Variants in TRPC6 observed in about 807,000 individuals in gnomAD.
TRPC6 encodes short transient receptor potential channel 6.
In TRPC6, 55 loss-of-function variants were observed where a neutral mutation model predicts 90.7. The ratio of observed to expected loss-of-function variants is 0.61; its 90% CI spans 0.49 to 0.76. The LOEUF is 0.76. Ranked by LOEUF, TRPC6 falls within the 30% of genes least tolerant of loss-of-function variation. TRPC6 has a pLI of 0.00. For synonymous variants in TRPC6, 393 were observed against 393.0 expected (o/e 1.00, Z 0.00); for missense variants, 989 against 1,122.7 (o/e 0.88, Z 1.70).
At chr11:101,523,445 T>C (rs1438660719) in intron 1 of TRPC6, among the ~76,000 whole-genome samples, 1 of 152,240 alleles carries the variant, frequency 6.6e-6, no homozygotes, top group Non-Finnish European at 1.5e-5. Flanking sequence ...CTAAGATATA[T>C]GAGAAAATGG....
intron 2 of TRPC6, among the ~76,000 whole-genome samples, chr11:101,501,302 T>C (rs1183153340): frequency 2.6e-5 from 4 of 152,094 alleles, no homozygotes; most frequent in African/African-American, 7.2e-5. Context: ...TGCTAGCATG[T>C]TGGTAGTGTA....
At chr11:101,462,459 ATTTG>A (rs139664165) in intron 10 of TRPC6, among the ~76,000 whole-genome samples, 4,030 of 152,268 alleles carry the variant, frequency 0.026, 89 homozygotes, top group Middle Eastern at 0.044. Context: ...ACGATTTTCC[ATTTG>A]TTTAAGTCGT....
intron 10 of TRPC6, among the ~76,000 whole-genome samples, chr11:101,461,351 G>A (rs910979466): frequency 2.6e-5 from 4 of 152,144 alleles, no homozygotes; most frequent in African/African-American, 9.7e-5. Context: ...GATCACTTGA[G>A]TCCAGGAGTT....
intron 10 of TRPC6, 28 bp downstream of exon 10, chr11:101,469,399 G>A: frequency 1.3e-6 from 1 of 755,958 alleles, no homozygotes; most frequent in Non-Finnish European, 2.5e-6. Context: ...TCATGTGCAT[G>A]ACTTCATATT....
At chr11:101,558,774 A>T (rs1348449873) in intron 1 of TRPC6, among the ~76,000 whole-genome samples, 1 of 152,154 alleles carries the variant, frequency 6.6e-6, no homozygotes, top group African/African-American at 2.4e-5. Context: ...TATCAAAAGG[A>T]TAGTCTCTTC....
intron 1 of TRPC6, among the ~76,000 whole-genome samples, chr11:101,532,073 GT>G (rs943018668): frequency 2.6e-5 from 4 of 152,190 alleles, no homozygotes; most frequent in African/African-American, 9.7e-5. Flanking sequence ...CAAGTCCAGG[GT>G]TTAGATCAAG....
Position 101,575,478 on chromosome 11 carries a change from C to A in TRPC6, c.170+7856G>T, listed in dbSNP as rs554701777. Among the ~76,000 whole-genome samples the A allele has an allele frequency of 1.4e-4, 21 of 152,266 alleles. No individual in the cohort carries two copies. In the East Asian group the frequency reaches 3.3e-3, roughly 24 times the overall value. Reference sequence around the variant, plus strand: ...AAGTCACCTACCTTCTTTTTACTGTCATTCTTTTTTCTTATCAGTAAAGTG... The same window carrying A: ...AAGTCACCTACCTTCTTTTTACTGTAATTCTTTTTTCTTATCAGTAAAGTG... On this transcript the variant is annotated intron_variant, in intron 1 of 12. Coordinates refer to ENST00000344327, the MANE Select transcript of TRPC6 (RefSeq NM_004621.6).
chr11:101,455,161 G>T, intron 10 of TRPC6, 60 bp from the exon 11 acceptor site: 1 of 1,355,050 alleles, frequency 7.4e-7, no homozygotes, highest in Non-Finnish European at 1.1e-6. Flanking sequence ...AAATAAAGTA[G>T]TGAGATTAGT....
rs199614681 is a variant in TRPC6, at chr11:101,452,919, G to T, written c.*36C>A. ...TCAGAAAATAATATGGCTTCAAGTG[G>T]ACAAATAAATATGAATTTCTAAGGA... On this transcript the variant is annotated 3_prime_UTR_variant, in exon 13 of 13. Coordinates refer to ENST00000344327, the MANE Select transcript of TRPC6 (RefSeq NM_004621.6). 2.1e-5 allele frequency: 34 copies of T among 1,611,640 alleles called. No individual in the cohort carries two copies. Among genetic ancestry groups the T allele is most frequent in the Non-Finnish European group, 2.5e-6 (3 of 1,178,186 alleles).
chr11:101,513,854 A>G (rs1860453465), intron 1 of TRPC6, among the ~76,000 whole-genome samples: 1 of 152,220 alleles, frequency 6.6e-6, no homozygotes, highest in African/African-American at 2.4e-5. Context: ...AAATGTGAAG[A>G]GCACAAGCTG....
At chr11:101,563,373 T>C (rs1302159944) in intron 1 of TRPC6, among the ~76,000 whole-genome samples, 1 of 152,162 alleles carries the variant, frequency 6.6e-6, no homozygotes, top group African/African-American at 2.4e-5. Flanking sequence ...GTGCTGAGGA[T>C]GCTTGCATGT....
chr11:101,545,111 T>C (rs548251339), intron 1 of TRPC6, among the ~76,000 whole-genome samples: 5 of 152,130 alleles, frequency 3.3e-5, no homozygotes, highest in South Asian at 2.1e-4. Flanking sequence ...CACACACACA[T>C]ACACACATAA....
Position 101,455,024 on chromosome 11 carries a change from T to C in TRPC6, c.2562A>G (p.Gln854=), listed in dbSNP as rs761267234. The change falls in exon 11 of 13, where the codon CAA becomes CAG. Residue 854 remains glutamine, a synonymous_variant. Coordinates refer to ENST00000344327, the MANE Select transcript of TRPC6 (RefSeq NM_004621.6). ...TTTAAAAATCCATGCTTACCTGATA[T>C]TGTCTTGGAGGATTATTGAAACTAT... The part of the protein sequence containing the change: ...HLNSFNNPPR[Q]YQKIMKRLIK... The C allele has an allele frequency of 1.7e-5, 28 of 1,611,268 alleles. No individual in the cohort carries two copies. In the East Asian group the frequency reaches 2.5e-4, roughly 14 times the overall value.
chr11:101,566,744 G>T (rs905743543), intron 1 of TRPC6, among the ~76,000 whole-genome samples: 1 of 152,200 alleles, frequency 6.6e-6, no homozygotes, highest in Non-Finnish European at 1.5e-5. Context: ...AGCCAAAGCA[G>T]GGTGGGGCAT....
intron 5 of TRPC6, 119 bp from the exon 6 acceptor site, chr11:101,476,653 C>G: frequency 1.2e-6 from 1 of 855,426 alleles, no homozygotes; most frequent in South Asian, 1.4e-5. Flanking sequence ...AAATTTGGTC[C>G]CAACCTGCCG....
intron 1 of TRPC6, among the ~76,000 whole-genome samples, chr11:101,548,731 T>A (rs1861383459): frequency 6.6e-6 from 1 of 151,712 alleles, no homozygotes; most frequent in Admixed American, 6.6e-5. Context: ...TAAGAACATT[T>A]CCACACAATG....
At chr11:101,548,250 C>CATATATATATATATAT (rs1491446189) in intron 1 of TRPC6, among the ~76,000 whole-genome samples, 26 of 56,154 alleles carry the variant, frequency 4.6e-4, no homozygotes, top group African/African-American at 2.1e-3. Context: ...AGAACTAGAT[C>CATATATATATATATAT]ATATATATAT....
intron 1 of TRPC6, among the ~76,000 whole-genome samples, chr11:101,547,684 A>T (rs1861340141): frequency 6.6e-6 from 1 of 152,182 alleles, no homozygotes. Context: ...CTATGTTAAC[A>T]GGTATCCAGG....
At chr11:101,559,635 CTTTTT>C (rs11286449) in intron 1 of TRPC6, among the ~76,000 whole-genome samples, 1 of 148,182 alleles carries the variant, frequency 6.7e-6, no homozygotes, top group Non-Finnish European at 1.5e-5. Flanking sequence ...AATGTCTTTT[CTTTTT>C]TTTTTTATTA....
Sources: allele counts gnomAD v4.1 joint callset (sites outside exome capture counted in the v4.1 genomes callset), GRCh38; gene constraint gnomAD v4.1.1; transcripts MANE v1.5; gene names NCBI Gene and HGNC (gene_info 2026-07-23, HGNC 2026-07-21).